ARHGAP1: variants seen among roughly 807,000 people sequenced by gnomAD.
ARHGAP1 encodes Rho GTPase activating protein 1.
ARHGAP1 carries 23 observed loss-of-function variants against 52.2 expected under a neutral mutation model. The ratio of observed to expected loss-of-function variants is 0.44; its 90% CI spans 0.32 to 0.62. The LOEUF is 0.62. Ranked by LOEUF, ARHGAP1 falls within the 20% of genes least tolerant of loss-of-function variation. The pLI, the probability that ARHGAP1 is intolerant of heterozygous loss-of-function variation, is 0.05. For missense variants in ARHGAP1, 480 were observed against 560.9 expected, an observed-to-expected ratio of 0.86 and a Z score of 1.46; for synonymous variants, 210 against 228.4, an observed-to-expected ratio of 0.92 and a Z score of 0.73.
chr11:46,688,280 G>C lies in ARHGAP1; in HGVS notation c.230-20C>G. The C allele has an allele frequency of 6.2e-7, 1 of 1,607,428 alleles. No individual in the cohort carries two copies. Among genetic ancestry groups the C allele is most frequent in the Non-Finnish European group, 8.5e-7 (1 of 1,175,252 alleles). ...CATCTCCTAGGTGTGGAGAAAGATG[G>C]AGCACAGTGGGTTGAAGGGGAACCA... On this transcript the variant is annotated intron_variant, in intron 3 of 12. Transcript: ENST00000311956.
At position 46,696,020 on chromosome 11, in the gene ARHGAP1, C is replaced by T; in HGVS notation, c.88G>A (p.Glu30Lys). 6.2e-7 allele frequency: 1 copy of T among 1,614,214 alleles called. No individual in the cohort carries two copies. The highest frequency in any genetic ancestry group is 8.5e-7 in the Non-Finnish European group (1 of 1,180,020). Residue 30 changes from glutamate (E) to lysine (K), a missense_variant, in exon 2 of 13, where the codon GAG (glutamate) becomes AAG (lysine). Glu to Lys is a moderately conservative substitution (Grantham distance 56, BLOSUM62 1). Coordinates refer to ENST00000311956, the MANE Select transcript of ARHGAP1 (RefSeq NM_004308.5). The surrounding 1 kb of genome is among the most constrained non-coding windows in gnomAD (Gnocchi z 4.8). Reference sequence around the variant, plus strand: ...ATTTCATCCGAGGGCCAGTTCTTCTCATCGATGGAGGCCAGCTTCAGCTGG... The same window carrying T: ...ATTTCATCCGAGGGCCAGTTCTTCTTATCGATGGAGGCCAGCTTCAGCTGG... ...LNQLKLASIDEKNWPSDEMPD... is the reference protein window; with the variant it reads ...LNQLKLASIDKKNWPSDEMPD...
rs2064510875 is a variant in ARHGAP1, at chr11:46,679,937, GAGAA to G, written c.899-165_899-162del. ...CTGCCTCCCTCTTCCTCTGTGATCA[GAGAA>G]TGCAGGTTCCGGCCATCTGGGGAAG... On this transcript the variant is annotated intron_variant, in intron 10 of 12. Transcript: ENST00000311956. The surrounding 1 kb of genome is among the most constrained non-coding windows in gnomAD (Gnocchi z 4.4). The G allele has an allele frequency of 5.7e-6, 7 of 1,234,620 alleles. No individual in the cohort carries two copies. The highest frequency in any genetic ancestry group is 1.5e-5 in the African/African-American group (1 of 65,910). 76.5% of individuals were successfully genotyped at this position (1,234,620 alleles called of 1,614,324 possible). A position where few individuals can be genotyped will look rare whatever the true frequency, so the allele number is the denominator to read the frequency against.
chr11:46,700,238 G>A (rs934498239), intron 1 of ARHGAP1, among the ~76,000 whole-genome samples: 1 of 152,256 alleles, frequency 6.6e-6, no homozygotes, highest in Non-Finnish European at 1.5e-5. Flanking sequence ...CTTCTTCTTA[G>A]TGCTTTGCCA....
Position 46,679,482 on chromosome 11 carries a change from A to G in ARHGAP1, c.1028-14T>C. 1 of 1,612,876 alleles carries G rather than the reference A, an allele frequency of 6.2e-7. No individual in the cohort carries two copies. Among genetic ancestry groups the G allele is most frequent in the Non-Finnish European group, 8.5e-7 (1 of 1,179,056 alleles). ...TTTCATCAATGTCTATGAGGAAAGG[A>G]GGCCCGGGTTATAGGGGCCCTAGGC... On this transcript the variant is annotated splice_polypyrimidine_tract_variant and intron_variant, in intron 11 of 12. Transcript: ENST00000311956. The surrounding 1 kb of genome is among the most constrained non-coding windows in gnomAD (Gnocchi z 4.4).
At position 46,679,412 on chromosome 11, in the gene ARHGAP1, C is replaced by T. The variant is rs770285908; in HGVS notation, c.1084G>A (p.Glu362Lys). The change falls in exon 12 of 13, where the codon GAG (glutamate) becomes AAG (lysine). Residue 362 changes from glutamate to lysine, a missense_variant. Glu to Lys is a moderately conservative substitution (Grantham distance 56, BLOSUM62 1). Transcript: ENST00000311956. This position sits in a 1 kb window ranked among gnomAD's most constrained non-coding sequence, Gnocchi z 4.4. Reference sequence around the variant, plus strand: ...AAACGAAGCACCTGGTAGTTCTCCTCGGGCAGCGTCTGGAGGACCTGCAGT... The same window carrying T: ...AAACGAAGCACCTGGTAGTTCTCCTTGGGCAGCGTCTGGAGGACCTGCAGT... ...ATLQVLQTLP[E>K]ENYQVLRFLT... The T allele has an allele frequency of 6.2e-6, 10 of 1,614,152 alleles. No homozygotes were observed. The highest frequency in any genetic ancestry group is 2.2e-5 in the East Asian group (1 of 44,878).
Position 46,681,001 on chromosome 11 carries a change from C to T in ARHGAP1, c.635+10G>A. The T allele has an allele frequency of 1.2e-6, 2 of 1,613,230 alleles. No individual in the cohort carries two copies. The highest frequency in any genetic ancestry group is 1.7e-6 in the Non-Finnish European group (2 of 1,179,588). ...GCTTCACGAGCCCCCAGCCGCCGCACCCGCCTCACTTGAGCACTTGGCGAG... is the reference window on the plus strand; with the variant it reads ...GCTTCACGAGCCCCCAGCCGCCGCATCCGCCTCACTTGAGCACTTGGCGAG... On this transcript the variant is annotated intron_variant, in intron 7 of 12. Coordinates refer to ENST00000311956, the MANE Select transcript of ARHGAP1 (RefSeq NM_004308.5). This position sits in a 1 kb window ranked among gnomAD's most constrained non-coding sequence, Gnocchi z 5.7.
At chr11:46,695,881 G>A in intron 2 of ARHGAP1, 94 bp downstream of exon 2, 2 of 1,604,352 alleles carry the variant, frequency 1.2e-6, no homozygotes, top group South Asian at 1.1e-5. Context: ...GGACTGGTCT[G>A]CCCCATCCTG....
chr11:46,696,278 A>G lies in ARHGAP1; in HGVS notation c.-49-122T>C. On this transcript the variant is annotated intron_variant, in intron 1 of 12. Transcript: ENST00000311956. This position sits in a 1 kb window ranked among gnomAD's most constrained non-coding sequence, Gnocchi z 4.8. ...CCAGGCTCCCTGTCCCTATTCCTCA[A>G]CACTCCTCATCCCCGCCAAGAGCTC... 1.5e-6 allele frequency: 1 copy of G among 648,794 alleles called. No homozygotes were observed. Among genetic ancestry groups the G allele is most frequent in the Non-Finnish European group, 2.6e-6 (1 of 385,298 alleles). 40.2% of individuals were successfully genotyped at this position (648,794 alleles called of 1,614,324 possible). A position where few individuals can be genotyped will look rare whatever the true frequency, so the allele number is the denominator to read the frequency against.
At chr11:46,686,073 G>A (rs977119894) in intron 4 of ARHGAP1, among the ~76,000 whole-genome samples, 5 of 151,538 alleles carry the variant, frequency 3.3e-5, no homozygotes, top group African/African-American at 1.2e-4. Flanking sequence ...CCGGGTTCAA[G>A]TAATTCTTCT....
rs140016210 is a variant in ARHGAP1, at chr11:46,697,945, C to A, written c.-49-1789G>T. Among the ~76,000 whole-genome samples, 389 of 152,292 alleles carry A rather than the reference C, an allele frequency of 2.6e-3. 3 individuals carry two copies. The highest frequency in any genetic ancestry group is 6.4e-3 in the Admixed American group (98 of 15,292). ...CTGTGGGAGCTGCTCCCCATAGCGA[C>A]CTCCAGCTGGGTAATAAAGACAGAA... On this transcript the variant is annotated intron_variant, in intron 1 of 12. Coordinates refer to ENST00000311956, the MANE Select transcript of ARHGAP1 (RefSeq NM_004308.5).
chr11:46,693,320 A>C (rs2134493838), intron 3 of ARHGAP1, among the ~76,000 whole-genome samples: 1 of 151,896 alleles, frequency 6.6e-6, no homozygotes, highest in African/African-American at 2.4e-5. Context: ...TTTTCAGTCA[A>C]AGAGATCCCC....
In ARHGAP1 at chr11:46,679,690, G is replaced by C; in HGVS notation, c.985C>G (p.Leu329Val). The change falls in exon 11 of 13, where the codon CTG becomes GTG. Residue 329 changes from leucine to valine, a missense_variant. Physicochemically the swap from Leu to Val is conservative, Grantham distance 32. Transcript: ENST00000311956. The surrounding 1 kb of genome is among the most constrained non-coding windows in gnomAD (Gnocchi z 4.4). Reference protein sequence around the residue: ...KTFLRELPEPLLTFDLYPHVV... With the variant: ...KTFLRELPEPVLTFDLYPHVV... ...TGGGGGTAGAGGTCAAAGGTGAGCA[G>C]GGGCTCAGGAAGCTCCCGGAGGAAG... The C allele has an allele frequency of 6.2e-7, 1 of 1,614,176 alleles. No individual in the cohort carries two copies.
At chr11:46,691,389 A>T (rs2134491089) in intron 3 of ARHGAP1, among the ~76,000 whole-genome samples, 1 of 150,890 alleles carries the variant, frequency 6.6e-6, no homozygotes, top group South Asian at 2.1e-4. Flanking sequence ...AGTTCAAGAG[A>T]TTCTCCTGCC....
rs1416134724 is a variant in ARHGAP1, at chr11:46,679,993, T to G, written c.898+212A>C. Among the ~76,000 whole-genome samples, 1 of 152,014 alleles carries G rather than the reference T, an allele frequency of 6.6e-6. No individual in the cohort carries two copies. Among genetic ancestry groups the G allele is most frequent in the Non-Finnish European group, 1.5e-5 (1 of 67,964 alleles). On this transcript the variant is annotated intron_variant, in intron 10 of 12. Transcript: ENST00000311956. This position sits in a 1 kb window ranked among gnomAD's most constrained non-coding sequence, Gnocchi z 4.4. The stretch of plus-strand genomic sequence containing the variant: ...GGGGCCCGGCACACCCCACCGTTAT[T>G]CCTTGCCTCTGAATGTGCCTATACC...
chr11:46,695,119 C>A (rs1458280497), intron 3 of ARHGAP1: 2 of 219,462 alleles, frequency 9.1e-6, no homozygotes, highest in African/African-American at 4.5e-5. Flanking sequence ...AGGGAGGGAG[C>A]TCCCTGAGAC....
At chr11:46,684,834 T>G (rs974966980) in intron 4 of ARHGAP1, among the ~76,000 whole-genome samples, 2 of 152,112 alleles carry the variant, frequency 1.3e-5, no homozygotes, top group Non-Finnish European at 2.9e-5. Context: ...ACGCCTGTAA[T>G]CCCAGCAATT....
intron 3 of ARHGAP1, among the ~76,000 whole-genome samples, chr11:46,692,060 G>A (rs2064618933): frequency 6.6e-6 from 1 of 152,210 alleles, no homozygotes; most frequent in Non-Finnish European, 1.5e-5. Flanking sequence ...AGGACCAGGT[G>A]GTACCTGCTC....
In ARHGAP1 at chr11:46,677,293, AAAG is replaced by A. The variant is rs1441791367; in HGVS notation, c.*1741_*1743del. 5.2e-5 allele frequency: 8 copies of A among 152,506 alleles called. No homozygotes were observed. The highest frequency in any genetic ancestry group is 1.9e-4 in the African/African-American group (8 of 41,452). 9.4% of individuals were successfully genotyped at this position (152,506 alleles called of 1,614,324 possible). ...GGGCTGTGAGCGACACTTGATACAC[AAAG>A]GAGGGCGGAGAGCAGAGCAGCCCTG... On this transcript the variant is annotated 3_prime_UTR_variant, in exon 13 of 13. Transcript: ENST00000311956.
chr11:46,680,299 C>T lies in ARHGAP1; in HGVS notation c.821-17G>A, dbSNP rs1179758445. 1 of 1,613,720 alleles carries T rather than the reference C, an allele frequency of 6.2e-7. No homozygotes were observed. The highest frequency in any genetic ancestry group is 1.1e-5 in the South Asian group (1 of 91,068). Reference sequence around the variant, plus strand: ...TGGTGAGAGCTGGGAAACAGTAGGGCCTGGTGAGCCTCCGAGCGCTGGGCA... The same window carrying T: ...TGGTGAGAGCTGGGAAACAGTAGGGTCTGGTGAGCCTCCGAGCGCTGGGCA... On this transcript the variant is annotated splice_polypyrimidine_tract_variant and intron_variant, in intron 9 of 12. Transcript: ENST00000311956. This position sits in a 1 kb window ranked among gnomAD's most constrained non-coding sequence, Gnocchi z 5.9.
Sources: gnomAD v4.1 joint callset for allele counts (sites outside exome capture counted in the v4.1 genomes callset) on GRCh38, gnomAD v4.1.1 for gene constraint, Gnocchi (gnomAD v3.1) non-coding constraint, MANE v1.5 for transcripts, NCBI Gene and HGNC (gene_info 2026-07-23, HGNC 2026-07-21) for gene names.